The following PCDHGA3 variants were observed in gnomAD, a reference collection of about 807,000 sequenced individuals.
PCDHGA3 encodes the protein protocadherin gamma subfamily A, 3, also known as protocadherin gamma-A3.
PCDHGA3 carries 40 observed loss-of-function variants against 58.5 expected under a neutral mutation model. The observed-to-expected ratio is 0.68, with a 90% CI of 0.53 to 0.89. The LOEUF (loss-of-function observed/expected upper bound fraction) is 0.89. Ranked by LOEUF, PCDHGA3 falls within the 40% of genes least tolerant of loss-of-function variation. PCDHGA3 has a pLI of 0.00. For missense variants in PCDHGA3, 1,223 were observed against 1,195.9 expected (o/e 1.02, Z -0.33); for synonymous variants, 530 against 525.7 (o/e 1.01, Z -0.11).
At chr5:141,392,649 C>T in intron 1 of PCDHGA3, 1 of 703,200 alleles carries the variant, frequency 1.4e-6, no homozygotes, top group South Asian at 2.2e-5. Flanking sequence ...CACGAAGACC[C>T]GCAGATGCCA....
chr5:141,374,438 G>T (rs760020224), intron 1 of PCDHGA3: 3 of 1,613,736 alleles, frequency 1.9e-6, no homozygotes, highest in Non-Finnish European at 2.5e-6. Flanking sequence ...TCTTTATCCC[G>T]TGGAAGTGGA....
rs1158395811 is a variant in PCDHGA3, at chr5:141,476,020, T to TCGGCGCC, written c.2425-18785_2425-18779dup. The stretch of plus-strand genomic sequence containing the variant: ...CGGCATCCAGAAAGCCATGTCGGAC[T>TCGGCGCC]CGGCGCCCAGCGCCCAAGCGCTAAC... On this transcript the variant is annotated intron_variant, in intron 1 of 3. Transcript: ENST00000253812. The surrounding 1 kb of genome is among the most constrained non-coding windows in gnomAD (Gnocchi z 7.6). 2.1e-6 allele frequency: 3 copies of TCGGCGCC among 1,398,716 alleles called. No homozygotes were observed. The African/African-American group carries it at 4.3e-5, about 20-fold the overall frequency. The allele number at this position is 1,398,716 out of a possible 1,614,324, so 86.6% of individuals were successfully genotyped here. A position where few individuals can be genotyped will look rare whatever the true frequency, so the allele number is the denominator to read the frequency against.
In PCDHGA3 at chr5:141,491,665, C is replaced by A; in HGVS notation, c.2425-3142C>A. 1 of 1,613,764 alleles carries A rather than the reference C, an allele frequency of 6.2e-7. No individual in the cohort carries two copies. Among genetic ancestry groups the A allele is most frequent in the Admixed American group, 1.7e-5 (1 of 60,034 alleles). On this transcript the variant is annotated intron_variant, in intron 1 of 3. Coordinates refer to ENST00000253812, the MANE Select transcript of PCDHGA3 (RefSeq NM_018916.4). The surrounding 1 kb of genome is among the most constrained non-coding windows in gnomAD (Gnocchi z 6.9). ...TCTGGCGCTGGAGCCTGACGCCATCCGGTCCCGCTCTAATACGCTGCGGGA... is the reference window on the plus strand; with the variant it reads ...TCTGGCGCTGGAGCCTGACGCCATCAGGTCCCGCTCTAATACGCTGCGGGA...
intron 1 of PCDHGA3, chr5:141,373,906 A>T: frequency 1.7e-6 from 1 of 604,222 alleles, no homozygotes; most frequent in South Asian, 4.3e-5. Context: ...ACATCCTCCA[A>T]CAACAAAGCA....
intron 1 of PCDHGA3, among the ~76,000 whole-genome samples, chr5:141,452,476 C>T (rs968627914): frequency 6.6e-6 from 1 of 152,216 alleles, no homozygotes; most frequent in Admixed American, 6.5e-5. Context: ...AGGAAAAACA[C>T]ACATAAACAC....
intron 1 of PCDHGA3, chr5:141,428,257 G>T: frequency 1.2e-6 from 1 of 865,866 alleles, no homozygotes; most frequent in South Asian, 1.4e-5. Context: ...AGACTTCAGT[G>T]ACAGTCCTGT....
At chr5:141,365,842 T>C in intron 1 of PCDHGA3, 4 of 1,613,964 alleles carry the variant, frequency 2.5e-6, no homozygotes, top group Non-Finnish European at 3.4e-6. Context: ...TGTCCTCCTA[T>C]GTATCCATTA....
At chr5:141,362,647 G>A (rs1762612378) in intron 1 of PCDHGA3, 3 of 1,443,954 alleles carry the variant, frequency 2.1e-6, no homozygotes, top group South Asian at 1.4e-5. Context: ...TTGTCTGTGA[G>A]TTAGATTTGG....
intron 1 of PCDHGA3, chr5:141,399,718 C>T (rs770212703): frequency 6.2e-7 from 1 of 1,613,306 alleles, no homozygotes; most frequent in Non-Finnish European, 8.5e-7. Context: ...ACTACAGGCC[C>T]GCGACCAGGG....
At chr5:141,348,531 A>T (rs923407083) in intron 1 of PCDHGA3, among the ~76,000 whole-genome samples, 1 of 152,256 alleles carries the variant, frequency 6.6e-6, no homozygotes, top group Non-Finnish European at 1.5e-5. Flanking sequence ...TGGATGCTCA[A>T]AGATAATTTC....
At chr5:141,395,276 A>G in intron 1 of PCDHGA3, 1 of 1,543,522 alleles carries the variant, frequency 6.5e-7, no homozygotes. Flanking sequence ...TTTCCAGATG[A>G]ATTTTATTTG....
chr5:141,500,641 TA>T (rs1306300025), intron 2 of PCDHGA3, among the ~76,000 whole-genome samples: 4 of 152,346 alleles, frequency 2.6e-5, no homozygotes, highest in Middle Eastern at 3.4e-3. Flanking sequence ...ACTAGTTTTT[TA>T]AAAATAGCAA....
intron 1 of PCDHGA3, chr5:141,408,227 C>G (rs771279344): frequency 1.9e-6 from 3 of 1,562,978 alleles, no homozygotes; most frequent in East Asian, 2.4e-5. Context: ...CGCGCAGAGG[C>G]GCCGGGCCGG....
chr5:141,437,247 C>T (rs2097870457), intron 1 of PCDHGA3, among the ~76,000 whole-genome samples: 2 of 152,090 alleles, frequency 1.3e-5, no homozygotes, highest in Non-Finnish European at 2.9e-5. Context: ...AAGGACTTTC[C>T]TTGTCTTTTT....
At chr5:141,478,920 C>A (rs559060283) in intron 1 of PCDHGA3, 1 of 728,392 alleles carries the variant, frequency 1.4e-6, no homozygotes. Context: ...ATACCTCTAA[C>A]CAGTGGCAGC....
chr5:141,408,096 C>T, intron 1 of PCDHGA3: 5 of 1,434,864 alleles, frequency 3.5e-6, no homozygotes, highest in Non-Finnish European at 4.6e-6. Flanking sequence ...ATTGCCAGCT[C>T]CGAGACCCGG....
chr5:141,408,559 C>T (rs1490844526), intron 1 of PCDHGA3: 3 of 1,614,000 alleles, frequency 1.9e-6, no homozygotes, highest in Non-Finnish European at 2.5e-6. Flanking sequence ...TTTTTCATGT[C>T]ATTGTGGTGA....
intron 1 of PCDHGA3, among the ~76,000 whole-genome samples, chr5:141,353,042 T>A (rs1759172373): frequency 6.6e-6 from 1 of 152,182 alleles, no homozygotes; most frequent in Non-Finnish European, 1.5e-5. Flanking sequence ...GGTGTATAAG[T>A]AATTTTGATT....
intron 2 of PCDHGA3, among the ~76,000 whole-genome samples, chr5:141,502,238 T>A (rs2099813398): frequency 6.6e-6 from 1 of 152,204 alleles, no homozygotes; most frequent in Non-Finnish European, 1.5e-5. Flanking sequence ...TGTGTTCTTT[T>A]ATCCTTTTTT....
Sources: gnomAD v4.1 joint callset for allele counts (sites outside exome capture counted in the v4.1 genomes callset) on GRCh38, gnomAD v4.1.1 for gene constraint, Gnocchi (gnomAD v3.1) non-coding constraint, MANE v1.5 for transcripts, NCBI Gene and HGNC (gene_info 2026-07-23, HGNC 2026-07-21) for gene names.